Variants in MLLT3 observed in about 807,000 individuals in gnomAD.
MLLT3 encodes protein AF-9.
Under a neutral mutation model 53.2 loss-of-function variants are expected in MLLT3, and 4 were observed. The observed-to-expected ratio is 0.08, with a 90% CI of 0.04 to 0.17. The LOEUF (loss-of-function observed/expected upper bound fraction) is 0.17, where lower values mean the gene tolerates loss of function less well. MLLT3 is among the 10% of genes least tolerant of loss of function. MLLT3 has a pLI of 1.00. For missense variants in MLLT3, 569 were observed against 684.0 expected, an observed-to-expected ratio of 0.83 and a Z score of 1.87; for synonymous variants, 283 against 230.6, an observed-to-expected ratio of 1.23 and a Z score of -2.06.
chr9:20,550,593 AT>A (rs1818902378), intron 2 of MLLT3, among the ~76,000 whole-genome samples: 1 of 151,050 alleles, frequency 6.6e-6, no homozygotes, highest in African/African-American at 2.4e-5. Context: ...ACATGACTAA[AT>A]TTTTTTTTAT....
At chr9:20,489,610 C>T (rs1257829473) in intron 2 of MLLT3, among the ~76,000 whole-genome samples, 1 of 152,158 alleles carries the variant, frequency 6.6e-6, no homozygotes, top group Admixed American at 6.5e-5. Context: ...ACTCAGCCAT[C>T]ACAATAGCTG....
chr9:20,525,924 G>T (rs1053739791), intron 2 of MLLT3, among the ~76,000 whole-genome samples: 2 of 152,104 alleles, frequency 1.3e-5, no homozygotes, highest in Non-Finnish European at 2.9e-5. Context: ...TTTGTACTGA[G>T]ACCAAAAAAG....
chr9:20,511,584 G>T (rs755855251), intron 2 of MLLT3, among the ~76,000 whole-genome samples: 20 of 152,216 alleles, frequency 1.3e-4, no homozygotes, highest in South Asian at 4.1e-4. Flanking sequence ...TTGGGAGGCT[G>T]AGGCAGGAGG....
rs373664705 is a variant in MLLT3, at chr9:20,523,518, C to A, written c.194-66732G>T. Reference sequence around the variant, plus strand: ...GATAAACTGTGGTACCTCCACCACACAATGGAATATTATTCAACACTAAAA... The same window carrying A: ...GATAAACTGTGGTACCTCCACCACAAAATGGAATATTATTCAACACTAAAA... On this transcript the variant is annotated intron_variant, in intron 2 of 10. Transcript: ENST00000380338. 5.5e-4 allele frequency among the ~76,000 whole-genome samples: 83 copies of A among 152,238 alleles called. 2 individuals are homozygous for A. In the South Asian group the frequency reaches 0.017, roughly 31 times the overall value.
At chr9:20,540,849 T>C (rs893950949) in intron 2 of MLLT3, among the ~76,000 whole-genome samples, 6 of 152,260 alleles carry the variant, frequency 3.9e-5, no homozygotes, top group Non-Finnish European at 7.3e-5. Context: ...TTCTACGACA[T>C]GGTCAGGCTG....
At chr9:20,366,019 A>G (rs1587160389) in intron 5 of MLLT3, among the ~76,000 whole-genome samples, 1 of 152,324 alleles carries the variant, frequency 6.6e-6, no homozygotes, top group Middle Eastern at 3.4e-3. Flanking sequence ...GTTTACTGCT[A>G]TACAGGTCTC....
At chr9:20,561,140 C>A (rs1180587916) in intron 2 of MLLT3, among the ~76,000 whole-genome samples, 3 of 152,114 alleles carry the variant, frequency 2.0e-5, no homozygotes, top group African/African-American at 7.2e-5. Context: ...CACGCACACA[C>A]ACGCGTGTGT....
In MLLT3 at chr9:20,470,044, G is replaced by T. The variant is rs184876780; in HGVS notation, c.194-13258C>A. Reference sequence around the variant, plus strand: ...CTAATTTATTTATATAAAAAGAAAAGAAATTTTATGAAGAAAAAAACAGCA... The same window carrying T: ...CTAATTTATTTATATAAAAAGAAAATAAATTTTATGAAGAAAAAAACAGCA... On this transcript the variant is annotated intron_variant, in intron 2 of 10. Transcript: ENST00000380338. 3.1e-3 allele frequency among the ~76,000 whole-genome samples: 467 copies of T among 151,944 alleles called. 1 individual carries two copies. Among genetic ancestry groups the T allele is most frequent in the Middle Eastern group, 0.017 (5 of 294 alleles).
chr9:20,463,763 A>G (rs1001771454), intron 2 of MLLT3, among the ~76,000 whole-genome samples: 1 of 152,140 alleles, frequency 6.6e-6, no homozygotes, highest in East Asian at 1.9e-4. Flanking sequence ...AAATGGAAAA[A>G]TCTTGAGACT....
intron 4 of MLLT3, among the ~76,000 whole-genome samples, chr9:20,419,259 T>C (rs1216316057): frequency 6.6e-6 from 1 of 152,096 alleles, no homozygotes; most frequent in South Asian, 2.1e-4. Flanking sequence ...GTAGATAAAG[T>C]AGAAGATCGA....
At chr9:20,535,022 C>A (rs1818442877) in intron 2 of MLLT3, among the ~76,000 whole-genome samples, 1 of 152,186 alleles carries the variant, frequency 6.6e-6, no homozygotes, top group African/African-American at 2.4e-5. Context: ...AAGACTAAGT[C>A]TTTTATAGCA....
chr9:20,371,583 C>A (rs924662295), intron 5 of MLLT3, among the ~76,000 whole-genome samples: 5 of 152,234 alleles, frequency 3.3e-5, no homozygotes, highest in Non-Finnish European at 2.9e-5. Flanking sequence ...CATCTGCCTA[C>A]AGCATGGTTT....
chr9:20,470,586 T>C (rs181397070), intron 2 of MLLT3, among the ~76,000 whole-genome samples: 11 of 152,032 alleles, frequency 7.2e-5, no homozygotes, highest in Admixed American at 3.9e-4. Flanking sequence ...CTGAATAAGC[T>C]TTACCTACCT....
intron 2 of MLLT3, among the ~76,000 whole-genome samples, chr9:20,495,528 A>C (rs1825060421): frequency 6.6e-6 from 1 of 152,306 alleles, no homozygotes; most frequent in South Asian, 2.1e-4. Context: ...TAAATCTTTA[A>C]TTAAATGTGG....
intron 3 of MLLT3, among the ~76,000 whole-genome samples, chr9:20,456,346 C>T: frequency 6.6e-6 from 1 of 151,882 alleles, no homozygotes; most frequent in East Asian, 1.9e-4. Context: ...TCTTTGCAAG[C>T]CTCAAAAAAA....
At chr9:20,362,899 G>C (rs1164938464) in intron 7 of MLLT3, 1 of 151,966 alleles carries the variant, frequency 6.6e-6, no homozygotes, top group Non-Finnish European at 1.5e-5. Flanking sequence ...AAAATCCTCA[G>C]GGCAATTTCA....
intron 2 of MLLT3, among the ~76,000 whole-genome samples, chr9:20,504,577 G>C (rs532316815): frequency 5.8e-4 from 88 of 152,248 alleles, no homozygotes; most frequent in African/African-American, 2.0e-3. Flanking sequence ...TAGAATGGTG[G>C]TGGGTGGGGG....
chr9:20,451,194 G>A (rs1823830623), intron 3 of MLLT3, among the ~76,000 whole-genome samples: 1 of 152,102 alleles, frequency 6.6e-6, no homozygotes, highest in Non-Finnish European at 1.5e-5. Flanking sequence ...TCTCTACGCT[G>A]ACACACATTT....
intron 5 of MLLT3, among the ~76,000 whole-genome samples, chr9:20,369,524 G>C (rs1821540696): frequency 6.6e-6 from 1 of 152,114 alleles, no homozygotes; most frequent in Non-Finnish European, 1.5e-5. Flanking sequence ...CATGTTGTGG[G>C]GGAGACACCT....
Sources: allele counts gnomAD v4.1 joint callset (sites outside exome capture counted in the v4.1 genomes callset), GRCh38; gene constraint gnomAD v4.1.1; transcripts MANE v1.5; gene names NCBI Gene and HGNC (gene_info 2026-07-23, HGNC 2026-07-21).